Variants in ITGA4 observed in about 807,000 individuals in gnomAD.
ITGA4 encodes the protein integrin alpha-4.
Under a neutral mutation model 133.6 loss-of-function variants are expected in ITGA4, and 63 were observed. The ratio of observed to expected loss-of-function variants is 0.47; its 90% CI spans 0.38 to 0.58. The LOEUF (loss-of-function observed/expected upper bound fraction) is 0.58. ITGA4 is among the 20% of genes least tolerant of loss of function. The probability of loss-of-function intolerance (pLI) is 0.00; values close to 1 mark genes in which losing one functional copy is unlikely to be tolerated. For missense variants in ITGA4, 1,076 were observed against 1,252.7 expected, an observed-to-expected ratio of 0.86 and a Z score of 2.13; for synonymous variants, 483 against 438.0, an observed-to-expected ratio of 1.10 and a Z score of -1.28.
chr2:181,468,788 A>G (rs1685482584), intron 2 of ITGA4, among the ~76,000 whole-genome samples: 1 of 152,208 alleles, frequency 6.6e-6, no homozygotes, highest in Admixed American at 6.5e-5. Flanking sequence ...ATTAAAAAAA[A>G]TAGGAAAGAG....
intron 4 of ITGA4, among the ~76,000 whole-genome samples, chr2:181,477,864 A>G (rs1404563374): frequency 6.6e-6 from 1 of 152,142 alleles, no homozygotes; most frequent in East Asian, 1.9e-4. Context: ...AGGAAATGAA[A>G]TCAGTACCAC....
intron 2 of ITGA4, among the ~76,000 whole-genome samples, chr2:181,468,734 A>C (rs1685481749): frequency 1.3e-5 from 2 of 152,192 alleles, no homozygotes; most frequent in Non-Finnish European, 2.9e-5. Flanking sequence ...CAGTAGGAAG[A>C]AATAAACTGT....
chr2:181,494,909 A>G (rs1686128581), intron 12 of ITGA4, 97 bp downstream of exon 12: 8 of 683,074 alleles, frequency 1.2e-5, no homozygotes, highest in Admixed American at 4.8e-5. Flanking sequence ...GAAAGACTTC[A>G]TCTTACTGAT....
At chr2:181,476,039 C>G in intron 4 of ITGA4, 1 of 756,560 alleles carries the variant, frequency 1.3e-6, no homozygotes, top group Non-Finnish European at 1.9e-6. Context: ...GTTGGCAAAA[C>G]TTTGGCCAAG....
intron 15 of ITGA4, among the ~76,000 whole-genome samples, 183 bp from the exon 16 acceptor site, chr2:181,509,475 C>T (rs532659294): frequency 4.6e-5 from 7 of 151,844 alleles, no homozygotes; most frequent in South Asian, 2.1e-4. Context: ...TCATAAGAAA[C>T]GTAAATGATT....
intron 21 of ITGA4, among the ~76,000 whole-genome samples, chr2:181,526,403 T>G (rs1686830742): frequency 6.6e-6 from 1 of 152,206 alleles, no homozygotes; most frequent in East Asian, 1.9e-4. Context: ...CTGCCAAATG[T>G]GAGCACCTTA....
In ITGA4 at chr2:181,523,603, G is replaced by T. The variant is rs921961524; in HGVS notation, c.2169+71G>T. On this transcript the variant is annotated intron_variant, in intron 19 of 27. Transcript: ENST00000397033. The surrounding 1 kb of genome is among the most constrained non-coding windows in gnomAD (Gnocchi z 4.2). ...TTTTTCTATTCTTCCCTATCTTTAG[G>T]TTGCATAGAAAATATTATAAATATT... is the stretch of plus-strand genomic sequence containing the variant. 15 of 811,788 alleles carry T rather than the reference G, an allele frequency of 1.8e-5. No homozygotes were observed. In the Admixed American group the frequency reaches 2.1e-4, roughly 11 times the overall value. 50.3% of individuals were successfully genotyped at this position (811,788 alleles called of 1,614,324 possible).
chr2:181,520,621 T>C (rs1328941460), intron 17 of ITGA4, among the ~76,000 whole-genome samples: 1 of 152,138 alleles, frequency 6.6e-6, no homozygotes, highest in African/African-American at 2.4e-5. Flanking sequence ...TTAAAATTTC[T>C]TGAGGCAGCC....
At chr2:181,520,318 G>C (rs1686691120) in intron 17 of ITGA4, among the ~76,000 whole-genome samples, 1 of 152,034 alleles carries the variant, frequency 6.6e-6, no homozygotes, top group Admixed American at 6.6e-5. Context: ...AAAACATCCT[G>C]GTGTATTAGA....
intron 25 of ITGA4, among the ~76,000 whole-genome samples, chr2:181,533,841 T>C (rs578126175): frequency 6.6e-6 from 1 of 152,334 alleles, no homozygotes; most frequent in African/African-American, 2.4e-5. Context: ...CCAAGCTTCA[T>C]GGATTCTGCG....
chr2:181,484,466 G>A (rs933221375), intron 9 of ITGA4, among the ~76,000 whole-genome samples: 2 of 152,114 alleles, frequency 1.3e-5, no homozygotes, highest in Non-Finnish European at 2.9e-5. Flanking sequence ...TCTCCCTGGA[G>A]CCTTTTCACC....
chr2:181,478,001 C>G (rs1048546623), intron 4 of ITGA4, among the ~76,000 whole-genome samples: 13 of 151,978 alleles, frequency 8.6e-5, no homozygotes, highest in Non-Finnish European at 1.5e-5. Context: ...TATATATACA[C>G]ACATATATAC....
intron 17 of ITGA4, among the ~76,000 whole-genome samples, chr2:181,517,589 G>A (rs3770111): frequency 0.11 from 16,015 of 151,998 alleles, 1,052 homozygotes; most frequent in East Asian, 0.22. Flanking sequence ...CAGTCTTGTC[G>A]CACTTCCAGA....
Position 181,481,586 on chromosome 2 carries a change from C to T in ITGA4, c.755-12C>T. On this transcript the variant is annotated splice_polypyrimidine_tract_variant and intron_variant, in intron 6 of 27. Transcript: ENST00000397033. ...TACCCAGGACTCTCATACTTTCTCC[C>T]TTTTCTTAAAGGATATTCAGTCGGA... 6.5e-7 allele frequency: 1 copy of T among 1,538,532 alleles called. No individual in the cohort carries two copies. Among genetic ancestry groups the T allele is most frequent in the Non-Finnish European group, 8.9e-7 (1 of 1,117,938 alleles).
At chr2:181,487,435 C>T (rs1243004568) in intron 10 of ITGA4, among the ~76,000 whole-genome samples, 3 of 152,124 alleles carry the variant, frequency 2.0e-5, no homozygotes, top group East Asian at 1.9e-4. Flanking sequence ...TGCCGTCACT[C>T]GTCACATTGA....
chr2:181,463,845 A>G (rs879525134), intron 2 of ITGA4, among the ~76,000 whole-genome samples: 1 of 152,168 alleles, frequency 6.6e-6, no homozygotes, highest in Non-Finnish European at 1.5e-5. Flanking sequence ...TCTCTGGGGT[A>G]AATAGATCAA....
chr2:181,536,817 A>G lies in ITGA4; in HGVS notation c.*1290A>G, dbSNP rs1687134207. 3.1e-6 allele frequency: 1 copy of G among 324,004 alleles called. No homozygotes were observed. The highest frequency in any genetic ancestry group is 6.2e-6 in the Non-Finnish European group (1 of 162,596). 20.1% of individuals were successfully genotyped at this position (324,004 alleles called of 1,614,324 possible). On this transcript the variant is annotated 3_prime_UTR_variant, in exon 28 of 28. Coordinates refer to ENST00000397033, the MANE Select transcript of ITGA4 (RefSeq NM_000885.6). The stretch of plus-strand genomic sequence containing the variant: ...ATGCTTATGATCTAGATAATTGCAG[A>G]ATATCATTTTATCTGACTCTGCCTT...
At chr2:181,528,008 T>TACAATAAAA (rs1686869671) in intron 22 of ITGA4, among the ~76,000 whole-genome samples, 1 of 152,226 alleles carries the variant, frequency 6.6e-6, no homozygotes, top group African/African-American at 2.4e-5. Flanking sequence ...TCAAAGATGT[T>TACAATAAAA]GGTGATTAGT....
chr2:181,505,969 G>A (rs549211687), intron 15 of ITGA4, among the ~76,000 whole-genome samples: 1 of 151,894 alleles, frequency 6.6e-6, no homozygotes, highest in Non-Finnish European at 1.5e-5. Flanking sequence ...TTCACAAGTC[G>A]ATAACTTGGG....
Sources: gnomAD v4.1 joint callset for allele counts (sites outside exome capture counted in the v4.1 genomes callset) on GRCh38, gnomAD v4.1.1 for gene constraint, Gnocchi (gnomAD v3.1) non-coding constraint, MANE v1.5 for transcripts, NCBI Gene and HGNC (gene_info 2026-07-23, HGNC 2026-07-21) for gene names.